The following PREX1 variants were observed in gnomAD, a reference collection of about 807,000 sequenced individuals.
PREX1 encodes the protein phosphatidylinositol-3,4,5-trisphosphate dependent Rac exchange factor 1.
A neutral mutation model predicts 198.3 loss-of-function variants in PREX1; 41 were observed. The observed-to-expected ratio is 0.21, with a 90% CI of 0.16 to 0.27. The LOEUF is 0.27. Ranked by LOEUF, PREX1 falls within the 10% of genes least tolerant of loss-of-function variation. The probability of loss-of-function intolerance (pLI) is 1.00; values close to 1 mark genes in which losing one functional copy is unlikely to be tolerated. For synonymous variants in PREX1, 843 were observed against 887.2 expected, an observed-to-expected ratio of 0.95 and a Z score of 0.89; for missense variants, 1,620 against 2,200.7, an observed-to-expected ratio of 0.74 and a Z score of 5.28.
chr20:48,637,219 A>C (rs536263718), intron 31 of PREX1, among the ~76,000 whole-genome samples: 4 of 152,240 alleles, frequency 2.6e-5, no homozygotes, highest in African/African-American at 9.6e-5. Flanking sequence ...CAGGGTCCCA[A>C]TCTTCTGGAA....
chr20:48,725,160 C>T (rs2090004089), intron 5 of PREX1, among the ~76,000 whole-genome samples: 1 of 152,232 alleles, frequency 6.6e-6, no homozygotes, highest in Admixed American at 6.5e-5. Context: ...GTACCCTTCC[C>T]CTCCCCTTTT....
chr20:48,803,448 G>T (rs1484641332), intron 1 of PREX1, among the ~76,000 whole-genome samples: 1 of 152,114 alleles, frequency 6.6e-6, no homozygotes, highest in East Asian at 1.9e-4. Context: ...TAAAGGGAAG[G>T]GGAACAGAGT....
the PREX1 span, among the ~76,000 whole-genome samples, chr20:48,857,411 G>C: frequency 0.096 from 14,548 of 152,292 alleles, 845 homozygotes; most frequent in Middle Eastern, 0.17. Context: ...GCCGGGCACA[G>C]TGGCTCATGC....
chr20:48,630,168 G>A (rs2089302394), intron 36 of PREX1, among the ~76,000 whole-genome samples: 1 of 152,162 alleles, frequency 6.6e-6, no homozygotes, highest in African/African-American at 2.4e-5. Flanking sequence ...CACATTCAAG[G>A]CCTGCCTGAC....
chr20:48,759,892 C>T (rs1462578415), intron 1 of PREX1, among the ~76,000 whole-genome samples: 2 of 152,042 alleles, frequency 1.3e-5, no homozygotes, highest in Non-Finnish European at 2.9e-5. Flanking sequence ...ATTGCTTGAA[C>T]CCAGGAGTTC....
intron 18 of PREX1, chr20:48,656,609 T>C (rs544659407): frequency 4.4e-6 from 2 of 452,896 alleles, no homozygotes; most frequent in South Asian, 1.6e-5. Flanking sequence ...TCCCCCCTCA[T>C]CTGCTTCGGG....
At chr20:48,676,871 G>A (rs1187097126) in intron 13 of PREX1, among the ~76,000 whole-genome samples, 4 of 152,342 alleles carry the variant, frequency 2.6e-5, no homozygotes, top group Middle Eastern at 6.8e-3. Flanking sequence ...GCAAGGGGCT[G>A]GTGTGGTCTA....
At chr20:48,854,184 T>C in the PREX1 span, among the ~76,000 whole-genome samples, 2 of 151,738 alleles carry the variant, frequency 1.3e-5, no homozygotes, top group Non-Finnish European at 1.5e-5. Flanking sequence ...AGTGTAGTGG[T>C]TGGGGGAGGG....
At position 48,666,343 on chromosome 20, in the gene PREX1, T is replaced by C. The variant is rs201992254; in HGVS notation, c.1678A>G (p.Thr560Ala). ...CCGAGCGCCACTGCCTCCTCCCGAG[T>C]CTGGCAGTCTCCCTGGAATGGAACA... ...DWLLAQGDCQ[T>A]REEAVALGVG... Residue 560 changes from threonine to alanine, a missense_variant, in exon 15 of 40, where the codon ACT (threonine) becomes GCT (alanine). Physicochemically the swap from Thr to Ala is moderately conservative, Grantham distance 58 (BLOSUM62 0). Coordinates refer to ENST00000371941, the MANE Select transcript of PREX1 (RefSeq NM_020820.4). The surrounding 1 kb of genome is among the most constrained non-coding windows in gnomAD (Gnocchi z 4.3). 13 of 1,562,380 alleles carry C rather than the reference T, an allele frequency of 8.3e-6. No homozygotes were observed. In the East Asian group the frequency reaches 2.6e-4, roughly 32 times the overall value.
At chr20:48,642,601 T>C in intron 27 of PREX1, 112 bp from the exon 28 acceptor site, 1 of 952,744 alleles carries the variant, frequency 1.0e-6, no homozygotes, top group Non-Finnish European at 1.6e-6. Flanking sequence ...CCACAAGGGA[T>C]GTGGAGTCTG....
Position 48,778,684 on chromosome 20 carries a change from G to C in PREX1, c.220-30804C>G, listed in dbSNP as rs1055332719. On this transcript the variant is annotated intron_variant, in intron 1 of 39. Coordinates refer to ENST00000371941, the MANE Select transcript of PREX1 (RefSeq NM_020820.4). ...ACACAGATCAATGGAACAGAAAAGA[G>C]AGTACAGGAATTGACCCACACAAAT... is the stretch of plus-strand genomic sequence containing the variant. Among the ~76,000 whole-genome samples the C allele has an allele frequency of 3.9e-5, 6 of 152,298 alleles. No homozygotes were observed. The East Asian group carries it at 9.6e-4, about 24-fold the overall frequency.
Position 48,637,009 on chromosome 20 carries a change from A to C in PREX1, c.3947-326T>G, listed in dbSNP as rs552095500. 3.7e-4 allele frequency among the ~76,000 whole-genome samples: 57 copies of C among 152,348 alleles called. 1 individual carries two copies. The highest frequency in any genetic ancestry group is 1.3e-3 in the African/African-American group (56 of 41,576). ...ACCCTCAGCCATTTCTCCTCTCATTATGGGATTCCTTGGCCTTGGCCAGTA... is the reference window on the plus strand; with the variant it reads ...ACCCTCAGCCATTTCTCCTCTCATTCTGGGATTCCTTGGCCTTGGCCAGTA... On this transcript the variant is annotated intron_variant, in intron 31 of 39. Coordinates refer to ENST00000371941, the MANE Select transcript of PREX1 (RefSeq NM_020820.4).
At chr20:48,763,560 C>T (rs2090194245) in intron 1 of PREX1, among the ~76,000 whole-genome samples, 1 of 152,182 alleles carries the variant, frequency 6.6e-6, no homozygotes, top group Admixed American at 6.5e-5. Flanking sequence ...TTGTTTTTTC[C>T]TCAGTCCAAC....
chr20:48,771,711 G>A (rs114265611), intron 1 of PREX1, among the ~76,000 whole-genome samples: 1,542 of 152,246 alleles, frequency 0.01, 28 homozygotes, highest in African/African-American at 0.035. Flanking sequence ...GGAGGAACCC[G>A]AGGCCCAGCT....
Position 48,683,118 on chromosome 20 carries a change from T to C in PREX1, c.1335-1783A>G, listed in dbSNP as rs184492932. ...CACCCCCAGTTCCATTCTCAAAGTCTTGGAACTCAGGGACAGGGAGAATGC... is the reference window on the plus strand; with the variant it reads ...CACCCCCAGTTCCATTCTCAAAGTCCTGGAACTCAGGGACAGGGAGAATGC... On this transcript the variant is annotated intron_variant, in intron 10 of 39. Transcript: ENST00000371941. Among the ~76,000 whole-genome samples, 291 of 152,280 alleles carry C rather than the reference T, an allele frequency of 1.9e-3. 2 individuals are homozygous for C. Among genetic ancestry groups the C allele is most frequent in the African/African-American group, 6.8e-3 (281 of 41,548 alleles).
At chr20:48,841,014 G>A in the PREX1 span, among the ~76,000 whole-genome samples, 1 of 151,992 alleles carries the variant, frequency 6.6e-6, no homozygotes, top group Non-Finnish European at 1.5e-5. Context: ...TGCCCAGACT[G>A]GTCTCGAACT....
At chr20:48,817,252 T>C (rs754145609) in intron 1 of PREX1, among the ~76,000 whole-genome samples, 12 of 152,162 alleles carry the variant, frequency 7.9e-5, no homozygotes, top group Non-Finnish European at 1.2e-4. Context: ...CTTACAGCCA[T>C]CCCAGTTACT....
At chr20:48,829,292 A>G (rs1042985096), upstream of PREX1, among the ~76,000 whole-genome samples, 1 of 152,236 alleles carries the variant, frequency 6.6e-6, no homozygotes, top group Non-Finnish European at 1.5e-5. Context: ...CAGAGATTGT[A>G]TCGTCTCTGC....
At chr20:48,629,336 GGCA>G (rs1262137235) in intron 37 of PREX1, 110 bp downstream of exon 37, 1 of 1,377,454 alleles carries the variant, frequency 7.3e-7, no homozygotes, top group Non-Finnish European at 9.9e-7. Context: ...TACAGGCAAT[GGCA>G]GAACCAGGAT....
Sources: gnomAD v4.1 joint callset for allele counts (sites outside exome capture counted in the v4.1 genomes callset) on GRCh38, gnomAD v4.1.1 for gene constraint, Gnocchi (gnomAD v3.1) non-coding constraint, MANE v1.5 for transcripts, NCBI Gene and HGNC (gene_info 2026-07-23, HGNC 2026-07-21) for gene names.